The following DIAPH2 variants were observed in gnomAD, a reference collection of about 807,000 sequenced individuals.
DIAPH2 encodes protein diaphanous homolog 2.
In DIAPH2, 35 loss-of-function variants were observed where a neutral mutation model predicts 92.7. The observed-to-expected ratio is 0.38, with a 90% CI of 0.29 to 0.50. The LOEUF (loss-of-function observed/expected upper bound fraction) is 0.50. DIAPH2 is among the 20% of genes least tolerant of loss of function. The pLI is 0.94. For missense variants in DIAPH2, 701 were observed against 819.5 expected (o/e 0.86, Z 1.77); for synonymous variants, 301 against 280.4 (o/e 1.07, Z -0.73).
chrX:97,582,805 G>A (rs1441687462), intron 26 of DIAPH2, among the ~76,000 whole-genome samples: 1 of 111,400 alleles, frequency 9.0e-6, no homozygotes, highest in Non-Finnish European at 1.9e-5. Context: ...ATCATTTCAG[G>A]TACACCAATC....
chrX:97,418,864 G>A (rs1422722577), intron 25 of DIAPH2, among the ~76,000 whole-genome samples: 1 of 111,830 alleles, frequency 8.9e-6, no homozygotes, highest in Non-Finnish European at 1.9e-5. Flanking sequence ...TGTAAATTCA[G>A]AAAGAAATGA....
intron 4 of DIAPH2, among the ~76,000 whole-genome samples, chrX:96,804,866 C>T (rs1000753061): frequency 1.8e-5 from 2 of 111,524 alleles, no homozygotes; most frequent in African/African-American, 6.5e-5. Flanking sequence ...GCACTAATGT[C>T]CTCTGAATCT....
chrX:96,891,223 C>G (rs2065304837), intron 5 of DIAPH2, among the ~76,000 whole-genome samples: 1 of 111,997 alleles, frequency 8.9e-6, no homozygotes, highest in Non-Finnish European at 1.9e-5. Flanking sequence ...AGAATGAAAC[C>G]TTGGTTTGAA....
chrX:97,160,647 T>G (rs905559042), intron 22 of DIAPH2, among the ~76,000 whole-genome samples: 2 of 111,803 alleles, frequency 1.8e-5, no homozygotes, highest in Non-Finnish European at 3.8e-5. Flanking sequence ...TCTTAGTTAA[T>G]CTTAGTTACT....
intron 26 of DIAPH2, among the ~76,000 whole-genome samples, chrX:97,563,544 A>G (rs920318179): frequency 2.7e-5 from 3 of 111,668 alleles, no homozygotes; most frequent in Non-Finnish European, 5.6e-5. Flanking sequence ...CTGAGGCCTC[A>G]ATAAAAAAAT....
At chrX:96,948,173 G>C (rs1368050928) in intron 14 of DIAPH2, among the ~76,000 whole-genome samples, 1 of 112,410 alleles carries the variant, frequency 8.9e-6, no homozygotes, top group African/African-American at 3.2e-5. Context: ...ACGTACATTT[G>C]AGCATTCTAA....
chrX:97,318,974 C>T (rs965863202), intron 23 of DIAPH2, among the ~76,000 whole-genome samples: 1 of 111,250 alleles, frequency 9.0e-6, no homozygotes. Flanking sequence ...CAAGAAATAC[C>T]AGTAGCTGTA....
chrX:97,100,942 T>C (rs2066901917), intron 20 of DIAPH2, among the ~76,000 whole-genome samples: 1 of 111,935 alleles, frequency 8.9e-6, no homozygotes, highest in Admixed American at 9.5e-5. Context: ...GTCAAATTCT[T>C]GCAAAGAAAA....
chrX:97,232,093 C>T (rs1184374664), intron 22 of DIAPH2, among the ~76,000 whole-genome samples: 1 of 111,101 alleles, frequency 9.0e-6, no homozygotes, highest in Non-Finnish European at 1.9e-5. Flanking sequence ...CAGACTTTGT[C>T]ATCACATATG....
intron 1 of DIAPH2, among the ~76,000 whole-genome samples, chrX:96,718,603 C>T (rs148109398): frequency 0.057 from 6,281 of 109,782 alleles, 202 homozygotes; most frequent in Middle Eastern, 0.16. Flanking sequence ...ATCCACCCGC[C>T]TCAGCCTCCC....
At chrX:97,284,379 G>A (rs1043238570) in intron 23 of DIAPH2, among the ~76,000 whole-genome samples, 1 of 111,035 alleles carries the variant, frequency 9.0e-6, no homozygotes, top group Non-Finnish European at 1.9e-5. Context: ...GGGAGGCTGA[G>A]GTGGGTGGAT....
intron 17 of DIAPH2, among the ~76,000 whole-genome samples, chrX:97,068,494 A>G (rs66772542): frequency 0.31 from 33,942 of 109,711 alleles, 4,871 homozygotes; most frequent in South Asian, 0.52. Context: ...CATCAGGTTC[A>G]TGTGATATTT....
chrX:97,566,478 A>G (rs1340212909), intron 26 of DIAPH2, among the ~76,000 whole-genome samples: 1 of 111,976 alleles, frequency 8.9e-6, no homozygotes, highest in African/African-American at 3.2e-5. Context: ...TACTTTGTGG[A>G]AAGCATTTGC....
chrX:97,516,508 A>T (rs1032447830), intron 26 of DIAPH2, among the ~76,000 whole-genome samples: 69 of 112,037 alleles, frequency 6.2e-4, no homozygotes, highest in African/African-American at 2.1e-3. Flanking sequence ...TTATCACATC[A>T]CATGTTTACA....
At chrX:97,077,113 T>G (rs2066710584) in intron 19 of DIAPH2, among the ~76,000 whole-genome samples, 1 of 111,701 alleles carries the variant, frequency 9.0e-6, no homozygotes, top group Non-Finnish European at 1.9e-5. Context: ...AAGTGGCGAG[T>G]AACTTACCTG....
chrX:97,160,193 G>T (rs1384496966), intron 22 of DIAPH2, among the ~76,000 whole-genome samples: 1 of 111,816 alleles, frequency 8.9e-6, no homozygotes, highest in Non-Finnish European at 1.9e-5. Flanking sequence ...TTCTCCAAGA[G>T]TCAGCTTCTT....
intron 4 of DIAPH2, among the ~76,000 whole-genome samples, chrX:96,783,347 T>C (rs896651284): frequency 5.3e-5 from 6 of 112,334 alleles, no homozygotes; most frequent in Non-Finnish European, 1.9e-5. Flanking sequence ...AGCCTAGGGC[T>C]TCTTGGACAG....
At chrX:97,192,922 A>G in intron 22 of DIAPH2, among the ~76,000 whole-genome samples, 1 of 110,539 alleles carries the variant, frequency 9.0e-6, no homozygotes, top group Non-Finnish European at 1.9e-5. Context: ...CTACACATTC[A>G]TATTCCTAGT....
chrX:97,544,373 C>T (rs2071163975), intron 26 of DIAPH2, among the ~76,000 whole-genome samples: 1 of 112,121 alleles, frequency 8.9e-6, no homozygotes, highest in Non-Finnish European at 1.9e-5. Flanking sequence ...GTATCTCAAA[C>T]CAAAGTGATT....
Sources: allele counts gnomAD v4.1 joint callset (sites outside exome capture counted in the v4.1 genomes callset), GRCh38; gene constraint gnomAD v4.1.1; transcripts MANE v1.5; gene names NCBI Gene and HGNC (gene_info 2026-07-23, HGNC 2026-07-21).